The following THRB variants were observed in gnomAD, a reference collection of about 807,000 sequenced individuals.
The protein encoded by THRB is nuclear receptor subfamily 1 group A member 2.
In THRB, 12 loss-of-function variants were observed where a neutral mutation model predicts 47.8. The ratio of observed to expected loss-of-function variants is 0.25; its 90% CI spans 0.16 to 0.41. The LOEUF is 0.41. Among genes scored for constraint, THRB ranks in the 10% least tolerant of loss-of-function variants. The pLI is 1.00. For missense variants in THRB, 348 were observed against 589.2 expected (o/e 0.59, Z 4.24); for synonymous variants, 218 against 212.2 (o/e 1.03, Z -0.24).
intron 5 of THRB, among the ~76,000 whole-genome samples, chr3:24,188,884 T>TATATATATATATATATATAA (rs1559548488): frequency 7.0e-6 from 1 of 142,808 alleles, no homozygotes; most frequent in South Asian, 2.2e-4. Context: ...TATATATATA[T>TATATATATATATATATATAA]GAGAGAAAGA....
At chr3:24,467,919 C>G (rs1050382736) in intron 1 of THRB, among the ~76,000 whole-genome samples, 9 of 152,230 alleles carry the variant, frequency 5.9e-5, no homozygotes, top group African/African-American at 2.2e-4. Flanking sequence ...CTTCTCCTCT[C>G]TAGCTATGAA....
intron 5 of THRB, among the ~76,000 whole-genome samples, chr3:24,185,707 T>C (rs183284761): frequency 2.6e-3 from 397 of 152,146 alleles, no homozygotes; most frequent in African/African-American, 9.2e-3. Flanking sequence ...GACATAAAAG[T>C]GTAAAGGCCT....
chr3:24,344,167 CAT>C (rs1425665831), intron 1 of THRB, among the ~76,000 whole-genome samples: 3 of 151,958 alleles, frequency 2.0e-5, no homozygotes, highest in African/African-American at 7.2e-5. Context: ...AAAAACAGCA[CAT>C]GTCATCACAA....
intron 1 of THRB, among the ~76,000 whole-genome samples, chr3:24,452,679 C>T (rs1230146763): frequency 1.3e-5 from 2 of 151,916 alleles, no homozygotes; most frequent in African/African-American, 2.4e-5. Flanking sequence ...TGTCCATGAC[C>T]CCTCCTTGCT....
intron 1 of THRB, chr3:24,486,464 A>G (rs1269294778): frequency 6.6e-6 from 1 of 152,228 alleles, no homozygotes; most frequent in Non-Finnish European, 1.5e-5. Flanking sequence ...TCCAGAAGAA[A>G]AAAATTACTT....
chr3:24,163,463 C>T (rs2039195366), intron 5 of THRB, among the ~76,000 whole-genome samples: 1 of 152,088 alleles, frequency 6.6e-6, no homozygotes, highest in Non-Finnish European at 1.5e-5. Context: ...GAGAAAAGAG[C>T]CTGAAACGTT....
At chr3:24,406,496 T>TTA (rs1393250472) in intron 1 of THRB, among the ~76,000 whole-genome samples, 3 of 151,784 alleles carry the variant, frequency 2.0e-5, no homozygotes, top group African/African-American at 7.2e-5. Context: ...TCATGGTTTG[T>TTA]TATTGTTTAT....
intron 1 of THRB, among the ~76,000 whole-genome samples, chr3:24,352,712 C>T (rs565353234): frequency 5.9e-5 from 9 of 152,196 alleles, no homozygotes; most frequent in African/African-American, 1.9e-4. Flanking sequence ...AAACTATACA[C>T]ACAAAATATG....
chr3:24,296,081 A>C (rs2056425092), intron 3 of THRB, among the ~76,000 whole-genome samples: 3 of 152,122 alleles, frequency 2.0e-5, no homozygotes, highest in African/African-American at 7.2e-5. Context: ...TCTCTTTCCT[A>C]CATTTGCCTC....
intron 3 of THRB, among the ~76,000 whole-genome samples, chr3:24,261,517 A>C (rs1041853453): frequency 8.1e-4 from 114 of 141,320 alleles, no homozygotes; most frequent in Non-Finnish European, 1.9e-4. Flanking sequence ...AAAAAAAAAA[A>C]ACCAAAAAAA....
intron 4 of THRB, among the ~76,000 whole-genome samples, chr3:24,214,127 A>G (rs919817657): frequency 3.9e-5 from 6 of 152,234 alleles, no homozygotes; most frequent in African/African-American, 1.4e-4. Flanking sequence ...GACTTGCCCA[A>G]GGTCACAGCT....
At chr3:24,276,858 A>G (rs1053756682) in intron 3 of THRB, among the ~76,000 whole-genome samples, 13 of 152,280 alleles carry the variant, frequency 8.5e-5, no homozygotes, top group Non-Finnish European at 1.8e-4. Context: ...CAAAGTGTTG[A>G]AGAAAGATTC....
chr3:24,279,404 G>A (rs2054287805), intron 3 of THRB, among the ~76,000 whole-genome samples: 1 of 151,776 alleles, frequency 6.6e-6, no homozygotes. Context: ...TTTTTTTTGA[G>A]ACGGAGCCTC....
chr3:24,339,170 T>C (rs564077359), intron 1 of THRB, among the ~76,000 whole-genome samples: 16 of 150,974 alleles, frequency 1.1e-4, no homozygotes, highest in African/African-American at 3.9e-4. Context: ...GACCTCAATA[T>C]TTTTTTTTGA....
At chr3:24,125,787 T>A (rs1369955931) in intron 10 of THRB, among the ~76,000 whole-genome samples, 2 of 152,154 alleles carry the variant, frequency 1.3e-5, no homozygotes, top group East Asian at 3.9e-4. Flanking sequence ...CAAGAGGGAA[T>A]CTTAGATTAT....
intron 1 of THRB, among the ~76,000 whole-genome samples, chr3:24,340,800 C>T (rs2062588000): frequency 2.6e-5 from 4 of 152,264 alleles, no homozygotes; most frequent in East Asian, 3.9e-4. Context: ...CATATCTTTG[C>T]TAATATGTTA....
At chr3:24,336,722 C>CCTTTTTTTTTTTTTTTTTTTTTTTTTTTT (rs1167185445) in intron 2 of THRB, among the ~76,000 whole-genome samples, 1 of 135,960 alleles carries the variant, frequency 7.4e-6, no homozygotes. Flanking sequence ...AATTCTCATG[C>CCTTTTTTTTTTTTTTTTTTTTTTTTTTTT]TTTTTTTTTT....
At chr3:24,234,123 T>C (rs1167972347) in intron 3 of THRB, among the ~76,000 whole-genome samples, 1 of 152,224 alleles carries the variant, frequency 6.6e-6, no homozygotes, top group East Asian at 1.9e-4. Flanking sequence ...CTTCATTCTT[T>C]AGCTGAGTGA....
At chr3:24,130,928 ATG>A (rs1475623022) in intron 9 of THRB, among the ~76,000 whole-genome samples, 1 of 152,238 alleles carries the variant, frequency 6.6e-6, no homozygotes, top group Non-Finnish European at 1.5e-5. Flanking sequence ...TTGGAATACT[ATG>A]TGGTCATTGG....
Sources: gnomAD v4.1 joint callset for allele counts (sites outside exome capture counted in the v4.1 genomes callset) on GRCh38, gnomAD v4.1.1 for gene constraint, MANE v1.5 for transcripts, NCBI Gene and HGNC (gene_info 2026-07-23, HGNC 2026-07-21) for gene names.